NRG2: variants seen among roughly 807,000 people sequenced by gnomAD.
The protein encoded by NRG2 is pro-neuregulin-2, membrane-bound isoform.
Under a neutral mutation model 73.9 loss-of-function variants are expected in NRG2, and 27 were observed. The ratio of observed to expected loss-of-function variants is 0.37; its 90% confidence interval spans 0.27 to 0.50. NRG2 has a LOEUF of 0.50. Ranked by LOEUF, NRG2 falls within the 20% of genes least tolerant of loss-of-function variation. The pLI is 0.96. For synonymous variants in NRG2, 532 were observed against 541.0 expected (o/e 0.98, Z 0.23); for missense variants, 1,126 against 1,210.1 (o/e 0.93, Z 1.03).
At chr5:139,944,684 T>A (rs1753674584) in intron 1 of NRG2, among the ~76,000 whole-genome samples, 1 of 152,224 alleles carries the variant, frequency 6.6e-6, no homozygotes, top group South Asian at 2.1e-4. Context: ...GTTGATTCCA[T>A]GTCTTCACTA....
chr5:139,848,775 G>GGGGGGT, intron 9 of NRG2, 78 bp from the exon 10 acceptor site: 1 of 601,714 alleles, frequency 1.7e-6, no homozygotes. Context: ...GTGGGGTAGG[G>GGGGGGT]TGGGAGGGGC....
intron 1 of NRG2, among the ~76,000 whole-genome samples, chr5:139,934,105 G>A (rs1375616975): frequency 1.3e-5 from 2 of 152,126 alleles, no homozygotes; most frequent in East Asian, 3.9e-4. Flanking sequence ...AGGCTGAGGT[G>A]GGAGGATTGC....
Position 139,904,391 on chromosome 5 carries a change from C to G in NRG2, c.701-16880G>C. ...CGGCCGCGGCCCCTCCTCCTGGACTCCGACATTCTGCACGGGGTCCCAGGC... is the reference window on the plus strand; with the variant it reads ...CGGCCGCGGCCCCTCCTCCTGGACTGCGACATTCTGCACGGGGTCCCAGGC... On this transcript the variant is annotated intron_variant, in intron 1 of 9. Transcript: ENST00000361474. This position sits in a 1 kb window ranked among gnomAD's most constrained non-coding sequence, Gnocchi z 6.0. 1 of 1,558,984 alleles carries G rather than the reference C, an allele frequency of 6.4e-7. No individual in the cohort carries two copies. The highest frequency in any genetic ancestry group is 8.7e-7 in the Non-Finnish European group (1 of 1,150,996).
chr5:139,863,331 C>A (rs911277474), intron 5 of NRG2, among the ~76,000 whole-genome samples: 1 of 152,246 alleles, frequency 6.6e-6, no homozygotes, highest in South Asian at 2.1e-4. Flanking sequence ...ACATGAAGTG[C>A]TCTCTGGGAA....
chr5:140,042,871 G>T lies in NRG2; in HGVS notation c.199C>A (p.Pro67Thr). 6.6e-7 allele frequency: 1 copy of T among 1,509,958 alleles called. No individual in the cohort carries two copies. The highest frequency in any genetic ancestry group is 2.7e-5 in the East Asian group (1 of 36,986). The allele number at this position is 1,509,958 out of a possible 1,614,324, so 93.5% of individuals were successfully genotyped here. A position where few individuals can be genotyped will look rare whatever the true frequency, so the allele number is the denominator to read the frequency against. The part of the protein sequence containing the change: ...SRPAAPPEPR[P>T]QQQPQPRSPA... Reference sequence around the variant, plus strand: ...CTGCGGGGCTGCGGCTGTTGCTGCGGCCGCGGCTCTGGGGGCGCAGCGGGA... The same window carrying T: ...CTGCGGGGCTGCGGCTGTTGCTGCGTCCGCGGCTCTGGGGGCGCAGCGGGA... Residue 67 changes from proline (P) to threonine (T), a missense_variant, in exon 1 of 10, where the codon CCG (proline) becomes ACG (threonine). Pro to Thr is a conservative substitution (Grantham distance 38). Around this residue, in one of 3 missense-constraint regions of NRG2, gnomAD observed 185 missense variants for 149.0 expected, o/e 1.24. Transcript: ENST00000361474.
intron 1 of NRG2, among the ~76,000 whole-genome samples, chr5:140,024,321 CT>C (rs1224761941): frequency 6.6e-6 from 1 of 150,768 alleles, no homozygotes; most frequent in African/African-American, 2.4e-5. Context: ...GTGGCGCGAT[CT>C]CAGCTCACTA....
chr5:139,991,978 T>C (rs1194878731), intron 1 of NRG2, among the ~76,000 whole-genome samples: 1 of 152,198 alleles, frequency 6.6e-6, no homozygotes, highest in African/African-American at 2.4e-5. Flanking sequence ...GTCCTGATAT[T>C]TGGTGAGGCA....
chr5:139,976,868 C>A (rs552354434), intron 1 of NRG2, among the ~76,000 whole-genome samples: 1 of 152,348 alleles, frequency 6.6e-6, no homozygotes, highest in African/African-American at 2.4e-5. Flanking sequence ...GTTAAGAGCA[C>A]TGCATGGGAG....
At chr5:139,989,913 C>G (rs395511) in intron 1 of NRG2, among the ~76,000 whole-genome samples, 3 of 151,304 alleles carry the variant, frequency 2.0e-5, no homozygotes, top group Non-Finnish European at 3.0e-5. Flanking sequence ...CTCAGCCTCC[C>G]GAGTAGCTGG....
chr5:140,026,347 A>C (rs570850362), intron 1 of NRG2, among the ~76,000 whole-genome samples: 2 of 152,336 alleles, frequency 1.3e-5, no homozygotes, highest in African/African-American at 4.8e-5. Flanking sequence ...TGTTTTAGAA[A>C]GTGAATTCTA....
chr5:139,862,702 T>C (rs564209934), intron 5 of NRG2, among the ~76,000 whole-genome samples: 1 of 152,254 alleles, frequency 6.6e-6, no homozygotes, highest in Non-Finnish European at 1.5e-5. Context: ...GAGCACATGC[T>C]CATGGGTTTG....
chr5:139,971,183 C>T (rs1021550357), intron 1 of NRG2, among the ~76,000 whole-genome samples: 2 of 152,260 alleles, frequency 1.3e-5, no homozygotes, highest in Middle Eastern at 3.4e-3. Flanking sequence ...CACATGTAGG[C>T]CCTTAAAGTT....
At chr5:139,895,359 G>A (rs1281374131) in intron 1 of NRG2, among the ~76,000 whole-genome samples, 1 of 152,266 alleles carries the variant, frequency 6.6e-6, no homozygotes, top group Non-Finnish European at 1.5e-5. Flanking sequence ...GATGGGGGAT[G>A]AGGAGGTTGT....
chr5:139,855,558 G>A (rs906950021), intron 6 of NRG2, 118 bp downstream of exon 6: 10 of 848,420 alleles, frequency 1.2e-5, no homozygotes, highest in African/African-American at 1.2e-4. Context: ...GGGTAGTTGG[G>A]GCCTAGGAGG....
intron 1 of NRG2, among the ~76,000 whole-genome samples, chr5:140,034,161 C>T (rs189428113): frequency 6.6e-6 from 1 of 152,150 alleles, no homozygotes; most frequent in African/African-American, 2.4e-5. Flanking sequence ...AGGATTTAAC[C>T]ATGTTAGCCA....
chr5:139,854,906 T>C (rs1472062459), intron 6 of NRG2, among the ~76,000 whole-genome samples: 2 of 151,810 alleles, frequency 1.3e-5, no homozygotes, highest in East Asian at 3.9e-4. Flanking sequence ...TATGGTACCA[T>C]CTGGGTCCCA....
intron 1 of NRG2, among the ~76,000 whole-genome samples, chr5:140,011,693 C>G (rs1036527146): frequency 2.6e-5 from 4 of 152,154 alleles, no homozygotes; most frequent in Non-Finnish European, 5.9e-5. Flanking sequence ...CACTGTTGAG[C>G]CTGAGATGAC....
chr5:140,042,217 C>G (rs1366971954), intron 1 of NRG2, among the ~76,000 whole-genome samples, 153 bp downstream of exon 1: 1 of 148,050 alleles, frequency 6.8e-6, no homozygotes, highest in East Asian at 2.0e-4. Context: ...CCCTCACCCA[C>G]CCGTGCCAGG....
At chr5:139,957,288 TC>T (rs537324043) in intron 1 of NRG2, among the ~76,000 whole-genome samples, 15 of 149,160 alleles carry the variant, frequency 1.0e-4, no homozygotes, top group East Asian at 9.9e-4. Flanking sequence ...CTGGTCACCA[TC>T]CCCCCACTCA....
Sources: allele counts gnomAD v4.1 joint callset (sites outside exome capture counted in the v4.1 genomes callset), GRCh38; gene constraint gnomAD v4.1.1; regional missense constraint gnomAD v4.1.1; non-coding constraint Gnocchi (gnomAD v3.1); transcripts MANE v1.5; gene names NCBI Gene and HGNC (gene_info 2026-07-23, HGNC 2026-07-21).